SMAP1: variants seen among roughly 807,000 people sequenced by gnomAD.
SMAP1 encodes stromal membrane-associated protein 1.
A neutral mutation model predicts 58.5 loss-of-function variants in SMAP1; 24 were observed. The observed-to-expected ratio is 0.41, with a 90% CI of 0.30 to 0.58. The LOEUF (loss-of-function observed/expected upper bound fraction) is 0.58. Among genes scored for constraint, SMAP1 ranks in the 20% least tolerant of loss-of-function variants. The pLI is 0.29. For synonymous variants in SMAP1, 216 were observed against 196.6 expected (o/e 1.10, Z -0.82); for missense variants, 563 against 566.3 (o/e 0.99, Z 0.06).
intron 2 of SMAP1, among the ~76,000 whole-genome samples, chr6:70,748,526 A>G (rs1430959970): frequency 2.0e-5 from 3 of 152,094 alleles, no homozygotes; most frequent in Admixed American, 6.6e-5. Context: ...ATCTGCTTGG[A>G]TGAGATTTTT....
chr6:70,677,335 TG>T (rs1766520927), intron 1 of SMAP1, among the ~76,000 whole-genome samples: 2 of 151,494 alleles, frequency 1.3e-5, no homozygotes, highest in African/African-American at 4.8e-5. Flanking sequence ...ACTTGCTTAG[TG>T]ACCAGTTGTC....
intron 6 of SMAP1, among the ~76,000 whole-genome samples, chr6:70,809,315 G>T (rs1434462617): frequency 3.3e-5 from 5 of 152,134 alleles, no homozygotes; most frequent in Non-Finnish European, 5.9e-5. Context: ...AGTTGGGAAA[G>T]AAATGAAAAC....
At chr6:70,720,597 A>C (rs1768479696) in intron 1 of SMAP1, among the ~76,000 whole-genome samples, 1 of 152,184 alleles carries the variant, frequency 6.6e-6, no homozygotes, top group Admixed American at 6.5e-5. Flanking sequence ...CCCTGCAGCA[A>C]ACTTGTGCCT....
intron 1 of SMAP1, among the ~76,000 whole-genome samples, chr6:70,718,954 T>C (rs550044179): frequency 6.6e-6 from 1 of 152,258 alleles, no homozygotes; most frequent in South Asian, 2.1e-4. Flanking sequence ...ATGTGTATTT[T>C]TAATGTGTGA....
At chr6:70,735,919 A>G (rs554755415) in intron 2 of SMAP1, among the ~76,000 whole-genome samples, 19 of 152,240 alleles carry the variant, frequency 1.2e-4, no homozygotes, top group African/African-American at 3.1e-4. Flanking sequence ...GGCTAGCTCT[A>G]TTTTTTTAAA....
chr6:70,716,517 G>T (rs893947048), intron 1 of SMAP1, among the ~76,000 whole-genome samples: 1 of 152,110 alleles, frequency 6.6e-6, no homozygotes, highest in African/African-American at 2.4e-5. Flanking sequence ...TCTGTGGCTT[G>T]GGGGTTGGAG....
intron 1 of SMAP1, among the ~76,000 whole-genome samples, chr6:70,701,005 A>C (rs1056037362): frequency 6.6e-6 from 1 of 152,262 alleles, no homozygotes; most frequent in Non-Finnish European, 1.5e-5. Flanking sequence ...CTGATATCCA[A>C]GTTGCAAGGC....
chr6:70,786,629 CA>C (rs1396586841), intron 4 of SMAP1, among the ~76,000 whole-genome samples: 1 of 152,036 alleles, frequency 6.6e-6, no homozygotes, highest in Non-Finnish European at 1.5e-5. Flanking sequence ...AATCAGTGTA[CA>C]AAAATCACAA....
intron 1 of SMAP1, among the ~76,000 whole-genome samples, chr6:70,721,163 A>G (rs1460707024): frequency 2.0e-5 from 3 of 152,282 alleles, no homozygotes; most frequent in East Asian, 3.9e-4. Context: ...TCAGGCTGCA[A>G]AGTTTTTTCC....
chr6:70,668,838 G>A, intron 1 of SMAP1: 2 of 1,175,328 alleles, frequency 1.7e-6, no homozygotes, highest in Non-Finnish European at 2.3e-6. Flanking sequence ...TCTCTTGGAG[G>A]ACGGTGGGTT....
intron 6 of SMAP1, among the ~76,000 whole-genome samples, chr6:70,836,613 C>T (rs1733659678): frequency 6.6e-6 from 1 of 152,070 alleles, no homozygotes; most frequent in African/African-American, 2.4e-5. Flanking sequence ...CACAGAAGTA[C>T]ATTAATAGTA....
intron 1 of SMAP1, among the ~76,000 whole-genome samples, chr6:70,716,690 A>G (rs1768282230): frequency 2.0e-5 from 3 of 150,526 alleles, no homozygotes; most frequent in Admixed American, 2.0e-4. Context: ...CAGTTATTAT[A>G]TTTTTCATTT....
chr6:70,820,943 G>A (rs1271597515), intron 6 of SMAP1, among the ~76,000 whole-genome samples: 1 of 152,040 alleles, frequency 6.6e-6, no homozygotes, highest in East Asian at 1.9e-4. Context: ...CAGTAACAGT[G>A]GTTCAAGGGA....
intron 5 of SMAP1, among the ~76,000 whole-genome samples, chr6:70,798,285 A>G (rs1768693152): frequency 6.8e-6 from 1 of 147,076 alleles, no homozygotes; most frequent in African/African-American, 2.5e-5. Context: ...TTTTTTTTCC[A>G]TTCAAAATTC....
intron 4 of SMAP1, among the ~76,000 whole-genome samples, chr6:70,774,259 T>C (rs1292313326): frequency 2.0e-5 from 3 of 152,362 alleles, no homozygotes; most frequent in East Asian, 1.9e-4. Context: ...AGGACTGTTA[T>C]GTTTTATCAG....
At chr6:70,703,888 A>G (rs569527532) in intron 1 of SMAP1, among the ~76,000 whole-genome samples, 1 of 152,294 alleles carries the variant, frequency 6.6e-6, no homozygotes, top group Admixed American at 6.5e-5. Flanking sequence ...GCCATGGCCT[A>G]GACACTTTCC....
intron 2 of SMAP1, among the ~76,000 whole-genome samples, chr6:70,747,156 T>G (rs1369423853): frequency 6.6e-6 from 1 of 152,244 alleles, no homozygotes; most frequent in African/African-American, 2.4e-5. Context: ...CTCTATTAAC[T>G]AAATGGTGGG....
intron 1 of SMAP1, among the ~76,000 whole-genome samples, chr6:70,705,758 A>G (rs1160966889): frequency 1.3e-5 from 2 of 152,074 alleles, no homozygotes; most frequent in East Asian, 3.9e-4. Context: ...GTACTTATGT[A>G]TTTCACGCCC....
chr6:70,706,650 A>G (rs1001882915), intron 1 of SMAP1, among the ~76,000 whole-genome samples: 7 of 152,200 alleles, frequency 4.6e-5, no homozygotes, highest in African/African-American at 1.7e-4. Context: ...GCATAACCCT[A>G]TTTGTATTTA....
Sources: gnomAD v4.1 joint callset for allele counts (sites outside exome capture counted in the v4.1 genomes callset) on GRCh38, gnomAD v4.1.1 for gene constraint, MANE v1.5 for transcripts, NCBI Gene and HGNC (gene_info 2026-07-23, HGNC 2026-07-21) for gene names.